The following RYR1 variants were observed in gnomAD, a reference collection of about 807,000 sequenced individuals.
The protein encoded by RYR1 is ryanodine receptor 1.
In RYR1, 342 loss-of-function variants were observed where a neutral mutation model predicts 583.5. The ratio of observed to expected loss-of-function variants is 0.59; its 90% CI spans 0.54 to 0.64. The LOEUF is 0.64. Ranked by LOEUF, RYR1 falls within the 30% of genes least tolerant of loss-of-function variation. RYR1 has a pLI of 0.00. For missense variants in RYR1, 6,032 were observed against 6,917.2 expected (o/e 0.87, Z 4.54); for synonymous variants, 2,791 against 2,822.5 (o/e 0.99, Z 0.35).
In RYR1 at chr19:38,485,922, G is replaced by A. The variant is rs1190159628; in HGVS notation, c.5267G>A (p.Gly1756Asp). 9 of 1,613,690 alleles carry A rather than the reference G, an allele frequency of 5.6e-6. No individual in the cohort carries two copies. The South Asian group carries it at 8.8e-5, about 16-fold the overall frequency. Residue 1756 changes from glycine (G) to aspartate (D), a missense_variant, in exon 34 of 106, where the codon GGT (glycine) becomes GAT (aspartate). Coordinates refer to ENST00000359596, the MANE Select transcript of RYR1 (RefSeq NM_000540.3). ...CCTCCTGGAAGGAGCACAGAAAATG[G>A]TCACCCCCGGCATGGCCTGCCGGGA... ...LFPPGRSTEN[G>D]HPRHGLPGVG... is the part of the protein sequence containing the mutation.
At position 38,440,882 on chromosome 19, in the gene RYR1, A is replaced by C; in HGVS notation, c.165+18A>C. Reference sequence around the variant, plus strand: ...ACGCGCAGGTCTGTGCAGGAGGGAGAGGGGCCTGGGGACAGGGGCGTCTGA... The same window carrying C: ...ACGCGCAGGTCTGTGCAGGAGGGAGCGGGGCCTGGGGACAGGGGCGTCTGA... On this transcript the variant is annotated intron_variant, in intron 2 of 105. Coordinates refer to ENST00000359596, the MANE Select transcript of RYR1 (RefSeq NM_000540.3). The C allele has an allele frequency of 6.2e-7, 1 of 1,608,016 alleles. No homozygotes were observed. Among genetic ancestry groups the C allele is most frequent in the Non-Finnish European group, 8.5e-7 (1 of 1,176,660 alleles).
intron 20 of RYR1, among the ~76,000 whole-genome samples, chr19:38,461,517 C>T (rs569292828): frequency 1.3e-5 from 2 of 151,816 alleles, no homozygotes; most frequent in Non-Finnish European, 2.9e-5. Context: ...TGCTTGAGTC[C>T]ACGAGTTTGA....
intron 48 of RYR1, 43 bp downstream of exon 48, chr19:38,502,770 G>T (rs1159521495): frequency 9.7e-7 from 1 of 1,032,938 alleles, no homozygotes; most frequent in African/African-American, 2.0e-5. Context: ...GGCAGGGGCA[G>T]GGGCAGGGGC....
chr19:38,543,424 C>T lies in RYR1; in HGVS notation c.11767C>T (p.Leu3923=). The T allele has an allele frequency of 6.2e-7, 1 of 1,614,232 alleles. No individual in the cohort carries two copies. The change falls in exon 85 of 106, where the codon CTG becomes TTG. Residue 3923 remains leucine, a synonymous_variant. Transcript: ENST00000359596. This position sits in a 1 kb window ranked among gnomAD's most constrained non-coding sequence, Gnocchi z 4.4. ...CATCATTTGCACTGTGGACTACCTCCTGCGGCTGCAGGTGAGGACGTGAGA... is the reference window on the plus strand; with the variant it reads ...CATCATTTGCACTGTGGACTACCTCTTGCGGCTGCAGGTGAGGACGTGAGA... The part of the protein sequence containing the change: ...NIIICTVDYL[L]RLQESISDFY...
chr19:38,534,324 T>G (rs1287127831), intron 78 of RYR1, among the ~76,000 whole-genome samples: 3 of 152,178 alleles, frequency 2.0e-5, no homozygotes, highest in Non-Finnish European at 4.4e-5. Flanking sequence ...TCTGTGATTT[T>G]TATTGGTGAC....
In RYR1 at chr19:38,443,704, C is replaced by T; in HGVS notation, c.346-14C>T. The T allele has an allele frequency of 1.2e-6, 2 of 1,613,932 alleles. No homozygotes were observed. The highest frequency in any genetic ancestry group is 1.3e-5 in the African/African-American group (1 of 75,038). ...GCCTGCTAGAAGGAGGCTGACCTCC[C>T]TCTACAACCCTAGTATCTGAGCTGC... is the stretch of plus-strand genomic sequence containing the variant. On this transcript the variant is annotated splice_polypyrimidine_tract_variant and intron_variant, in intron 4 of 105. Transcript: ENST00000359596.
intron 1 of RYR1, among the ~76,000 whole-genome samples, chr19:38,439,651 C>A (rs867308582): frequency 6.6e-6 from 1 of 151,868 alleles, no homozygotes; most frequent in African/African-American, 2.4e-5. Flanking sequence ...GAACTACAGG[C>A]GTGCACCACC....
chr19:38,463,569 G>C, intron 21 of RYR1, 42 bp downstream of exon 21: 1 of 1,587,510 alleles, frequency 6.3e-7, no homozygotes, highest in Non-Finnish European at 8.6e-7. Flanking sequence ...GGCTAGACTT[G>C]CGGTGCCAGG....
Position 38,561,291 on chromosome 19 carries a change from C to T in RYR1, c.12461C>T (p.Pro4154Leu), listed in dbSNP as rs765105605. The T allele has an allele frequency of 4.3e-6, 7 of 1,613,922 alleles. No individual in the cohort carries two copies. The highest frequency in any genetic ancestry group is 1.3e-5 in the African/African-American group (1 of 74,954). The change falls in exon 90 of 106, where the codon CCG becomes CTG. Residue 4154 changes from proline to leucine, a missense_variant. By Grantham distance (98) the Pro-to-Leu change is moderately conservative. Around this residue, in one of 11 missense-constraint regions of RYR1, gnomAD observed 753 missense variants for 759.6 expected, o/e 0.99. Coordinates refer to ENST00000359596, the MANE Select transcript of RYR1 (RefSeq NM_000540.3). This position sits in a 1 kb window ranked among gnomAD's most constrained non-coding sequence, Gnocchi z 4.8. The stretch of plus-strand genomic sequence containing the variant: ...CTGACCAACCTGTCGGAGCATGTGC[C>T]GCATGACCCTCGCCTGCACAACTTC... ...VLLTNLSEHVPHDPRLHNFLE... is the reference protein window; with the variant it reads ...VLLTNLSEHVLHDPRLHNFLE...
rs149295336 is a variant in RYR1 at position 38,499,654 on chromosome 19, C to T, written c.7047C>T (p.Asn2349=). Residue 2349 remains asparagine (N), a synonymous_variant, in exon 44 of 106, where the codon AAC becomes AAT. Transcript: ENST00000359596. The surrounding 1 kb of genome is among the most constrained non-coding windows in gnomAD (Gnocchi z 7.3). The part of the protein sequence containing the change: ...VFVNGESVEE[N]ANVVVRLLIR... ...GGCCAGGCGAGAGCGTGGAGGAGAACGCCAATGTGGTGGTGCGGCTGCTCA... is the reference window on the plus strand; with the variant it reads ...GGCCAGGCGAGAGCGTGGAGGAGAATGCCAATGTGGTGGTGCGGCTGCTCA... 15 of 1,598,470 alleles carry T rather than the reference C, an allele frequency of 9.4e-6. No homozygotes were observed. The highest frequency in any genetic ancestry group is 6.7e-5 in the African/African-American group (5 of 74,840).
chr19:38,579,936 G>T (rs770512053), intron 99 of RYR1, 46 bp from the exon 100 acceptor site: 2 of 1,613,504 alleles, frequency 1.2e-6, no homozygotes, highest in African/African-American at 1.3e-5. Context: ...AGTGCTCCTC[G>T]TGTGTCCCTG....
intron 33 of RYR1, among the ~76,000 whole-genome samples, chr19:38,484,905 C>A (rs1025613443): frequency 6.6e-6 from 1 of 151,754 alleles, no homozygotes; most frequent in Middle Eastern, 3.2e-3. Flanking sequence ...CCCAGGAGTT[C>A]AAGGCTGCAG....
intron 30 of RYR1, 120 bp downstream of exon 30, chr19:38,477,990 G>A: frequency 4.0e-6 from 4 of 1,004,844 alleles, no homozygotes; most frequent in Non-Finnish European, 6.0e-6. Flanking sequence ...TGGAGCGGGA[G>A]GATTCTCTGG....
chr19:38,523,370 TCCTA>T, intron 69 of RYR1, 61 bp downstream of exon 69: 1 of 1,601,732 alleles, frequency 6.2e-7, no homozygotes, highest in South Asian at 1.1e-5. Flanking sequence ...CTCTAGGACT[TCCTA>T]CCTGGCCTGT....
chr19:38,508,818 T>C (rs926547973), intron 58 of RYR1, among the ~76,000 whole-genome samples: 4 of 150,712 alleles, frequency 2.7e-5, no homozygotes, highest in African/African-American at 9.8e-5. Context: ...TGGAATGAGA[T>C]GGAGTTGGGG....
intron 7 of RYR1, among the ~76,000 whole-genome samples, chr19:38,445,124 C>T (rs1209754245): frequency 7.2e-6 from 1 of 139,728 alleles, no homozygotes; most frequent in Non-Finnish European, 1.5e-5. Flanking sequence ...AGTGTGGTGG[C>T]ATGTGCCTGT....
chr19:38,494,208 G>A, intron 38 of RYR1, 144 bp from the exon 39 acceptor site: 2 of 878,226 alleles, frequency 2.3e-6, no homozygotes, highest in East Asian at 5.0e-5. Flanking sequence ...GAATCTGCCT[G>A]CTCCCAGCAG....
chr19:38,548,170 C>T, intron 88 of RYR1, 63 bp from the exon 89 acceptor site: 1 of 1,589,282 alleles, frequency 6.3e-7, no homozygotes, highest in Non-Finnish European at 8.6e-7. Context: ...GAAAGAGAGG[C>T]AAGCCTGGTG....
At position 38,525,295 on chromosome 19, in the gene RYR1, G is replaced by A. The variant is rs367604005; in HGVS notation, c.10456-37G>A. ...CGGGTTGGGGCTGAGGCATGGGATT[G>A]GGGCTTGGGCTGGTGCTGAGCCCTG... is the stretch of plus-strand genomic sequence containing the variant. On this transcript the variant is annotated intron_variant, in intron 70 of 105. Coordinates refer to ENST00000359596, the MANE Select transcript of RYR1 (RefSeq NM_000540.3). The A allele has an allele frequency of 7.4e-6, 12 of 1,613,308 alleles. No individual in the cohort carries two copies. In the African/African-American group the frequency reaches 1.1e-4, roughly 14 times the overall value.
Sources: allele counts gnomAD v4.1 joint callset (sites outside exome capture counted in the v4.1 genomes callset), GRCh38; gene constraint gnomAD v4.1.1; regional missense constraint gnomAD v4.1.1; non-coding constraint Gnocchi (gnomAD v3.1); transcripts MANE v1.5; gene names NCBI Gene and HGNC (gene_info 2026-07-23, HGNC 2026-07-21).